The following PIEZO1 variants were observed in gnomAD, a reference collection of about 807,000 sequenced individuals.
The protein encoded by PIEZO1 is piezo-type mechanosensitive ion channel component 1.
A neutral mutation model predicts 297.2 loss-of-function variants in PIEZO1; 296 were observed. The ratio of observed to expected loss-of-function variants is 1.00; its 90% CI spans 0.91 to 1.10. The LOEUF (loss-of-function observed/expected upper bound fraction) is 1.10. Ranked by LOEUF, PIEZO1 falls within the 50% of genes least tolerant of loss-of-function variation. The probability of loss-of-function intolerance (pLI) is 0.00; values close to 1 mark genes in which losing one functional copy is unlikely to be tolerated. For missense variants in PIEZO1, 5,018 were observed against 3,455.5 expected, an observed-to-expected ratio of 1.45 and a Z score of -11.34; for synonymous variants, 2,427 against 1,507.5, an observed-to-expected ratio of 1.61 and a Z score of -14.13.
chr16:88,748,486 G>GCC (rs1165196739), intron 2 of PIEZO1, among the ~76,000 whole-genome samples: 1 of 56,860 alleles, frequency 1.8e-5, no homozygotes, highest in Non-Finnish European at 3.1e-5. Context: ...GGGGGTCTCA[G>GCC]CTCCCCCCCC....
chr16:88,726,214 G>T, intron 27 of PIEZO1, 70 bp downstream of exon 27: 1 of 1,342,152 alleles, frequency 7.5e-7, no homozygotes, highest in South Asian at 1.4e-5. Context: ...CTGAGACAGT[G>T]AGGAACCTCC....
intron 1 of PIEZO1, among the ~76,000 whole-genome samples, chr16:88,771,968 C>T (rs1220825818): frequency 2.8e-5 from 1 of 35,172 alleles, no homozygotes; most frequent in African/African-American, 2.6e-4. Flanking sequence ...CCCGTCCACC[C>T]GCGGCCCCAG....
Position 88,734,243 on chromosome 16 carries a change from C to G in PIEZO1, c.2180+113G>C, listed in dbSNP as rs529646173. ...CCATCCCCTTGGTATGAGCAAATGC[C>G]CCTTGGGATCTGAAGGTGGAAGATG... On this transcript the variant is annotated intron_variant, in intron 16 of 50. Coordinates refer to ENST00000301015, the MANE Select transcript of PIEZO1 (RefSeq NM_001142864.4). 14 of 1,217,688 alleles carry G rather than the reference C, an allele frequency of 1.1e-5. No individual in the cohort carries two copies. In the South Asian group the frequency reaches 1.9e-4, roughly 16 times the overall value. 75.4% of individuals were successfully genotyped at this position (1,217,688 alleles called of 1,614,324 possible).
chr16:88,717,847 C>G (rs1912162226), intron 44 of PIEZO1: 6 of 436,176 alleles, frequency 1.4e-5, no homozygotes, highest in Non-Finnish European at 2.7e-5. Flanking sequence ...AAAAACAACC[C>G]AACTGCTGGG....
chr16:88,778,437 C>T (rs1414920101), intron 1 of PIEZO1, among the ~76,000 whole-genome samples: 4 of 152,196 alleles, frequency 2.6e-5, no homozygotes, highest in Non-Finnish European at 5.9e-5. Context: ...CAAACCCTGC[C>T]GGCCCGTCAG....
At chr16:88,754,132 C>T (rs1414068879) in intron 1 of PIEZO1, among the ~76,000 whole-genome samples, 1 of 152,200 alleles carries the variant, frequency 6.6e-6, no homozygotes, top group African/African-American at 2.4e-5. Flanking sequence ...CTATGGCCCA[C>T]ATCCAGCTCC....
chr16:88,726,440 T>C lies in PIEZO1; in HGVS notation c.3812A>G (p.Asp1271Gly). Residue 1271 changes from aspartate (D) to glycine (G), a missense_variant, in exon 27 of 51, where the codon GAC (aspartate) becomes GGC (glycine). Asp to Gly is a moderately conservative substitution (Grantham distance 94). Coordinates refer to ENST00000301015, the MANE Select transcript of PIEZO1 (RefSeq NM_001142864.4). ...AGGCAGCAGGCAGTCCTGGTCTCTG[T>C]CCATCATCTCCTTGGCTGCAAGGCA... ...KGYYDPKEMM[D>G]RDQDCLLPVE... is the part of the protein sequence containing the mutation. 2 of 1,550,096 alleles carry C rather than the reference T, an allele frequency of 1.3e-6. No individual in the cohort carries two copies. Among genetic ancestry groups the C allele is most frequent in the African/African-American group, 1.4e-5 (1 of 73,152 alleles).
intron 5 of PIEZO1, chr16:88,739,291 C>T (rs112917572): frequency 3.3e-5 from 5 of 153,062 alleles, no homozygotes; most frequent in African/African-American, 7.2e-5. Flanking sequence ...AGTGACAGGC[C>T]GGCCTGGGGC....
chr16:88,755,383 A>G (rs1194194460), intron 1 of PIEZO1, among the ~76,000 whole-genome samples: 1 of 152,224 alleles, frequency 6.6e-6, no homozygotes, highest in Non-Finnish European at 1.5e-5. Context: ...AGGAAAGAAA[A>G]AAAAGAGTGT....
At position 88,724,969 on chromosome 16, in the gene PIEZO1, G is replaced by A. The variant is rs751867331; in HGVS notation, c.4234+40C>T. ...GCAGAGGACAGATGGGGGCACAGAGGGCCTGAGAGGGTGGCCACAGGCGGC... is the reference window on the plus strand; with the variant it reads ...GCAGAGGACAGATGGGGGCACAGAGAGCCTGAGAGGGTGGCCACAGGCGGC... On this transcript the variant is annotated intron_variant, in intron 30 of 50. Transcript: ENST00000301015. The A allele has an allele frequency of 9.8e-4, 1,254 of 1,282,518 alleles. 1 individual carries two copies. Among genetic ancestry groups the A allele is most frequent in the Non-Finnish European group, 1.2e-3 (1,151 of 953,892 alleles). The allele number at this position is 1,282,518 out of a possible 1,614,324, so 79.4% of individuals were successfully genotyped here. A position where few individuals can be genotyped will look rare whatever the true frequency, so the allele number is the denominator to read the frequency against.
intron 1 of PIEZO1, among the ~76,000 whole-genome samples, chr16:88,769,981 C>T (rs1319538081): frequency 1.3e-5 from 2 of 152,196 alleles, no homozygotes; most frequent in African/African-American, 4.8e-5. Context: ...CCCTCCTAAC[C>T]TACTCCAACC....
chr16:88,739,502 C>G (rs1905491627), intron 5 of PIEZO1: 1 of 152,286 alleles, frequency 6.6e-6, no homozygotes, highest in South Asian at 2.1e-4. Flanking sequence ...GCTGAGGCGC[C>G]AGGTGCCCGG....
chr16:88,723,920 T>TC lies in PIEZO1; in HGVS notation c.4285dup (p.Glu1429GlyfsTer6), dbSNP rs1342480114. On this transcript the variant is annotated frameshift_variant, in exon 31 of 51. Transcript: ENST00000301015. LOFTEE classifies it high-confidence loss of function. ...CCTCGGGTCTTCAGGAACAGCCTCC[T>TC]CCTCTTCCTCACTGTCGGACTCAAA... The TC allele has an allele frequency of 1.9e-6, 3 of 1,549,714 alleles. No homozygotes were observed. The highest frequency in any genetic ancestry group is 2.6e-6 in the Non-Finnish European group (3 of 1,146,406).
At chr16:88,779,551 T>G (rs1365552461) in intron 1 of PIEZO1, among the ~76,000 whole-genome samples, 1 of 152,202 alleles carries the variant, frequency 6.6e-6, no homozygotes, top group East Asian at 1.9e-4. Flanking sequence ...GAACCAGAAC[T>G]TGGACTTCTG....
chr16:88,766,331 C>G (rs1031309400), intron 1 of PIEZO1, among the ~76,000 whole-genome samples: 2 of 152,156 alleles, frequency 1.3e-5, no homozygotes, highest in African/African-American at 2.4e-5. Flanking sequence ...AGCCTGGACT[C>G]GAGACTGCAA....
At chr16:88,723,592 A>C (rs1468483747) in intron 31 of PIEZO1, among the ~76,000 whole-genome samples, 1 of 152,216 alleles carries the variant, frequency 6.6e-6, no homozygotes, top group Admixed American at 6.5e-5. Context: ...GGCCAGCACA[A>C]AGGTGTTGGG....
rs370413275 is a variant in PIEZO1 at position 88,774,557 on chromosome 16, C to T, written c.64+10344G>A. ...GCAGCCTGGGCACCTCTGTATACCACGTGGAGGAGAAACGGGTGGGCATCG... is the reference window on the plus strand; with the variant it reads ...GCAGCCTGGGCACCTCTGTATACCATGTGGAGGAGAAACGGGTGGGCATCG... On this transcript the variant is annotated intron_variant, in intron 1 of 50. Coordinates refer to ENST00000301015, the MANE Select transcript of PIEZO1 (RefSeq NM_001142864.4). Among the ~76,000 whole-genome samples the T allele has an allele frequency of 2.6e-5, 4 of 152,304 alleles. No homozygotes were observed. The South Asian group carries it at 8.3e-4, about 32-fold the overall frequency.
At chr16:88,719,745 C>G (rs773179669) in intron 43 of PIEZO1, 24 bp from the exon 44 acceptor site, 4 of 1,550,332 alleles carry the variant, frequency 2.6e-6, no homozygotes, top group Admixed American at 2.0e-5. Flanking sequence ...GGGTTCCCGT[C>G]AGGTGGGCTC....
intron 19 of PIEZO1, 77 bp downstream of exon 19, chr16:88,733,201 G>A: frequency 7.4e-7 from 1 of 1,355,312 alleles, no homozygotes; most frequent in Non-Finnish European, 1.0e-6. Context: ...CACTGAGGCA[G>A]CTGCCCCAGG....
Sources: gnomAD v4.1 joint callset for allele counts (sites outside exome capture counted in the v4.1 genomes callset) on GRCh38, gnomAD v4.1.1 for gene constraint, MANE v1.5 for transcripts, NCBI Gene and HGNC (gene_info 2026-07-23, HGNC 2026-07-21) for gene names.